Variants in B3GALT1 observed in about 807,000 individuals in gnomAD.
The protein encoded by B3GALT1 is UDP-Gal:betaGlcNAc beta 1,3-galactosyltransferase, polypeptide 1.
Under a neutral mutation model 23.2 loss-of-function variants are expected in B3GALT1, and 10 were observed. The ratio of observed to expected loss-of-function variants is 0.43; its 90% CI spans 0.27 to 0.73. The LOEUF (loss-of-function observed/expected upper bound fraction) is 0.73. B3GALT1 is among the 30% of genes least tolerant of loss of function. The probability of loss-of-function intolerance (pLI) is 0.21; values close to 1 mark genes in which losing one functional copy is unlikely to be tolerated. For synonymous variants in B3GALT1, 156 were observed against 141.5 expected (o/e 1.10, Z -0.73); for missense variants, 299 against 405.4 (o/e 0.74, Z 2.25).
At chr2:167,402,344 T>C (rs913878767) in intron 1 of B3GALT1, among the ~76,000 whole-genome samples, 5 of 152,118 alleles carry the variant, frequency 3.3e-5, no homozygotes, top group Non-Finnish European at 7.4e-5. Flanking sequence ...CAGAACACCA[T>C]ATTTTTTTAA....
intron 2 of B3GALT1, among the ~76,000 whole-genome samples, chr2:167,567,989 G>A (rs1230948458): frequency 6.6e-6 from 1 of 152,028 alleles, no homozygotes; most frequent in African/African-American, 2.4e-5. Flanking sequence ...ACAGTATGTA[G>A]CATTTTTCAG....
At chr2:167,521,819 GC>G (rs1347891715) in intron 2 of B3GALT1, among the ~76,000 whole-genome samples, 1 of 151,280 alleles carries the variant, frequency 6.6e-6, no homozygotes, top group African/African-American at 2.4e-5. Context: ...TTATTTCTAA[GC>G]AAATTTACAT....
chr2:167,537,415 G>A (rs1376533380), intron 2 of B3GALT1, among the ~76,000 whole-genome samples: 2 of 152,132 alleles, frequency 1.3e-5, no homozygotes, highest in Non-Finnish European at 2.9e-5. Context: ...GTATCTATAT[G>A]TGCTGTATGT....
intron 2 of B3GALT1, among the ~76,000 whole-genome samples, chr2:167,642,398 G>A (rs1248580983): frequency 1.3e-5 from 2 of 152,154 alleles, no homozygotes; most frequent in East Asian, 1.9e-4. Flanking sequence ...TTTTGTCCAT[G>A]TTCAATGGAC....
chr2:167,335,204 C>T (rs975874467), intron 1 of B3GALT1, among the ~76,000 whole-genome samples: 3 of 150,978 alleles, frequency 2.0e-5, no homozygotes, highest in South Asian at 2.1e-4. Flanking sequence ...AAACGGTGGG[C>T]GGGGAGGGGG....
intron 1 of B3GALT1, among the ~76,000 whole-genome samples, chr2:167,406,184 G>A (rs973585019): frequency 2.6e-5 from 4 of 152,202 alleles, no homozygotes; most frequent in Non-Finnish European, 4.4e-5. Context: ...AGAAATAAAT[G>A]TGAAGGGCAA....
chr2:167,788,155 A>G (rs1233153629), intron 3 of B3GALT1, among the ~76,000 whole-genome samples: 1 of 151,468 alleles, frequency 6.6e-6, no homozygotes, highest in Non-Finnish European at 1.5e-5. Context: ...GAGCTGGGAA[A>G]TAGAGTTTCT....
intron 2 of B3GALT1, among the ~76,000 whole-genome samples, chr2:167,562,692 G>A (rs1028460617): frequency 2.4e-4 from 35 of 146,356 alleles, no homozygotes; most frequent in Non-Finnish European, 4.0e-4. Context: ...GGTGTTTCTC[G>A]CAGAGGGGGA....
intron 1 of B3GALT1, among the ~76,000 whole-genome samples, chr2:167,351,498 A>G (rs1024215892): frequency 1.3e-5 from 2 of 152,170 alleles, no homozygotes; most frequent in Admixed American, 6.5e-5. Context: ...CATGGCATCA[A>G]AAATAAGAGA....
chr2:167,705,721 C>T (rs1015285716), intron 3 of B3GALT1, among the ~76,000 whole-genome samples: 4 of 152,184 alleles, frequency 2.6e-5, no homozygotes, highest in Non-Finnish European at 5.9e-5. Flanking sequence ...TCTTCTTTGG[C>T]TCTAGGCAGT....
chr2:167,394,437 C>A (rs535036837), intron 1 of B3GALT1, among the ~76,000 whole-genome samples: 4 of 152,166 alleles, frequency 2.6e-5, no homozygotes, highest in African/African-American at 9.6e-5. Flanking sequence ...TTCTAAAATA[C>A]AATTATCTAT....
chr2:167,579,674 A>C (rs1185461878), intron 2 of B3GALT1, among the ~76,000 whole-genome samples: 1 of 151,968 alleles, frequency 6.6e-6, no homozygotes, highest in Non-Finnish European at 1.5e-5. Flanking sequence ...AATTTAACTT[A>C]ATTGGAAGCC....
chr2:167,651,112 G>T (rs1685856633), intron 3 of B3GALT1, among the ~76,000 whole-genome samples: 1 of 151,856 alleles, frequency 6.6e-6, no homozygotes, highest in African/African-American at 2.4e-5. Flanking sequence ...CAGTATTTAT[G>T]CAATGAACTT....
At chr2:167,687,875 G>A (rs535795422) in intron 3 of B3GALT1, among the ~76,000 whole-genome samples, 10 of 151,862 alleles carry the variant, frequency 6.6e-5, no homozygotes, top group Non-Finnish European at 1.2e-4. Context: ...CATACGATAG[G>A]CGATTAAATT....
intron 3 of B3GALT1, among the ~76,000 whole-genome samples, chr2:167,787,539 C>A (rs1465299332): frequency 6.6e-6 from 1 of 152,338 alleles, no homozygotes; most frequent in East Asian, 1.9e-4. Flanking sequence ...AATGGTACTT[C>A]TCTTTTTGTC....
chr2:167,438,698 G>T (rs926094295), intron 1 of B3GALT1, among the ~76,000 whole-genome samples: 2 of 152,172 alleles, frequency 1.3e-5, no homozygotes, highest in African/African-American at 4.8e-5. Context: ...GCCCCACAGG[G>T]CAGACTGAGG....
At chr2:167,616,456 A>G (rs1188039804) in intron 2 of B3GALT1, among the ~76,000 whole-genome samples, 1 of 152,164 alleles carries the variant, frequency 6.6e-6, no homozygotes, top group East Asian at 1.9e-4. Context: ...TAATCCCAGC[A>G]CTTTGGGAGG....
At position 167,873,101 on chromosome 2, in the gene B3GALT1, C is replaced by T. The variant is rs1479397325; in HGVS notation, c.*3081C>T. The T allele has an allele frequency of 6.6e-6, 1 of 152,150 alleles. No homozygotes were observed. Among genetic ancestry groups the T allele is most frequent in the Non-Finnish European group, 1.5e-5 (1 of 68,028 alleles). 9.4% of individuals were successfully genotyped at this position (152,150 alleles called of 1,614,324 possible). A position where few individuals can be genotyped will look rare whatever the true frequency, so the allele number is the denominator to read the frequency against. On this transcript the variant is annotated 3_prime_UTR_variant, in exon 5 of 5. Coordinates refer to ENST00000392690, the MANE Select transcript of B3GALT1 (RefSeq NM_020981.4). ...CTGTTGAGCCATTCTTATCATTTCC[C>T]TGACATAAAATATGCAATGTTTTAG...
intron 2 of B3GALT1, among the ~76,000 whole-genome samples, chr2:167,612,092 G>A (rs1367923159): frequency 6.6e-6 from 1 of 151,936 alleles, no homozygotes; most frequent in African/African-American, 2.4e-5. Context: ...GTTGGTGATA[G>A]CCTGTGGATA....
Sources: gnomAD v4.1 joint callset for allele counts (sites outside exome capture counted in the v4.1 genomes callset) on GRCh38, gnomAD v4.1.1 for gene constraint, MANE v1.5 for transcripts, NCBI Gene and HGNC (gene_info 2026-07-23, HGNC 2026-07-21) for gene names.